Variants in NRG1 observed in about 807,000 individuals in gnomAD.
NRG1 encodes pro-neuregulin-1, membrane-bound isoform.
A neutral mutation model predicts 63.8 loss-of-function variants in NRG1; 18 were observed. The observed-to-expected ratio is 0.28, with a 90% CI of 0.19 to 0.42. The LOEUF (loss-of-function observed/expected upper bound fraction) is 0.42. NRG1 is among the 10% of genes least tolerant of loss of function. The probability of loss-of-function intolerance (pLI) is 1.00; values close to 1 mark genes in which losing one functional copy is unlikely to be tolerated. For synonymous variants in NRG1, 302 were observed against 301.3 expected (o/e 1.00, Z -0.02); for missense variants, 762 against 814.7 (o/e 0.94, Z 0.79).
intron 1 of NRG1, among the ~76,000 whole-genome samples, chr8:32,309,202 C>A (rs1055073683): frequency 6.6e-6 from 1 of 152,146 alleles, no homozygotes; most frequent in Non-Finnish European, 1.5e-5. Context: ...GTACCCTTGC[C>A]TTACCAGGGC....
At chr8:32,312,153 G>GTTTTTTTTTTTTTTTTTTTTTT (rs767575805) in intron 1 of NRG1, among the ~76,000 whole-genome samples, 1 of 98,206 alleles carries the variant, frequency 1.0e-5, no homozygotes, top group African/African-American at 3.8e-5. Flanking sequence ...ATTTGACCTT[G>GTTTTTTTTTTTTTTTTTTTTTT]TTTGTTTTTT....
chr8:31,686,094 T>G (rs771098923), intron 1 of NRG1, among the ~76,000 whole-genome samples: 1 of 152,170 alleles, frequency 6.6e-6, no homozygotes, highest in Non-Finnish European at 1.5e-5. Context: ...TATAAAGCAC[T>G]CTTATTCAAA....
chr8:32,079,981 AGT>A (rs1291344555), intron 1 of NRG1, among the ~76,000 whole-genome samples: 1 of 152,184 alleles, frequency 6.6e-6, no homozygotes, highest in African/African-American at 2.4e-5. Flanking sequence ...TTAATAAAGT[AGT>A]AGTAATAAAA....
At chr8:32,386,181 AG>A (rs566387388) in intron 1 of NRG1, among the ~76,000 whole-genome samples, 37 of 152,332 alleles carry the variant, frequency 2.4e-4, no homozygotes, top group African/African-American at 8.9e-4. Context: ...GGCTCACTGC[AG>A]CCTCAAACTA....
At chr8:31,841,413 C>T (rs568138786) in intron 1 of NRG1, among the ~76,000 whole-genome samples, 1 of 152,086 alleles carries the variant, frequency 6.6e-6, no homozygotes, top group African/African-American at 2.4e-5. Flanking sequence ...TAGACTTTCC[C>T]CTGTAGACAC....
intron 1 of NRG1, among the ~76,000 whole-genome samples, chr8:31,660,323 A>G (rs1241827695): frequency 3.9e-5 from 6 of 152,300 alleles, no homozygotes; most frequent in Non-Finnish European, 8.8e-5. Flanking sequence ...TTAAGCCACC[A>G]TATCTCACAG....
intron 1 of NRG1, among the ~76,000 whole-genome samples, chr8:31,771,586 G>T (rs1285514616): frequency 6.6e-6 from 1 of 152,102 alleles, no homozygotes; most frequent in Non-Finnish European, 1.5e-5. Context: ...AATAAAATAT[G>T]AATATATCTA....
intron 1 of NRG1, among the ~76,000 whole-genome samples, chr8:32,240,769 C>T (rs142605749): frequency 4.0e-5 from 6 of 151,874 alleles, no homozygotes; most frequent in African/African-American, 1.4e-4. Context: ...CCTGTCAATC[C>T]ATAATTATTT....
At chr8:32,521,947 G>A (rs1830385897) in intron 1 of NRG1, among the ~76,000 whole-genome samples, 1 of 152,146 alleles carries the variant, frequency 6.6e-6, no homozygotes, top group Admixed American at 6.5e-5. Flanking sequence ...ATGACAGAAA[G>A]TTGGAAAGAG....
rs114839125 is a variant in NRG1 at position 32,681,215 on chromosome 8, G to T, written c.503-46734G>T. 6.5e-3 allele frequency among the ~76,000 whole-genome samples: 997 copies of T among 152,274 alleles called. 2 individuals carry two copies. Among genetic ancestry groups the T allele is most frequent in the African/African-American group, 0.022 (930 of 41,544 alleles). ...TGCAAAATAGATTTTATAGATAATT[G>T]CTGTGGAAAAGAAGTGACTAAATGT... On this transcript the variant is annotated intron_variant, in intron 5 of 11. Transcript: ENST00000356819.
intron 1 of NRG1, among the ~76,000 whole-genome samples, chr8:31,696,247 A>G (rs1309266102): frequency 6.6e-6 from 1 of 152,096 alleles, no homozygotes; most frequent in East Asian, 1.9e-4. Context: ...TTGCATTTTT[A>G]ATAGAGACAG....
chr8:32,148,338 G>A (rs1837128397), intron 1 of NRG1, among the ~76,000 whole-genome samples: 2 of 152,198 alleles, frequency 1.3e-5, no homozygotes. Flanking sequence ...CCTGCAGGAA[G>A]TGGCAAATGT....
chr8:31,743,487 A>T (rs1815510215), intron 1 of NRG1, among the ~76,000 whole-genome samples: 1 of 151,994 alleles, frequency 6.6e-6, no homozygotes, highest in Non-Finnish European at 1.5e-5. Context: ...GGCTGAAATT[A>T]TGTGCACACT....
intron 1 of NRG1, among the ~76,000 whole-genome samples, chr8:31,790,651 A>G (rs1404269471): frequency 2.0e-5 from 3 of 152,212 alleles, no homozygotes; most frequent in African/African-American, 7.2e-5. Context: ...TGATTTCAAC[A>G]CATGACTTCA....
chr8:32,683,955 G>C lies in NRG1; in HGVS notation c.503-43994G>C, dbSNP rs1589186998. Among the ~76,000 whole-genome samples, 3 of 151,768 alleles carry C rather than the reference G, an allele frequency of 2.0e-5. No individual in the cohort carries two copies. In the South Asian group the frequency reaches 6.3e-4, roughly 32 times the overall value. ...CATGCCTGTGATGCCAGCACTCTGG[G>C]AGGCTGAGATGGGTGGATCACTTGA... is the stretch of plus-strand genomic sequence containing the variant. On this transcript the variant is annotated intron_variant, in intron 5 of 11. Coordinates refer to ENST00000356819, the Ensembl canonical transcript of NRG1.
At chr8:32,357,108 A>G (rs1398434923) in intron 1 of NRG1, among the ~76,000 whole-genome samples, 2 of 152,274 alleles carry the variant, frequency 1.3e-5, no homozygotes, top group East Asian at 3.9e-4. Flanking sequence ...CTGGGGGAAA[A>G]GAGCATGAGG....
At chr8:31,851,998 C>A (rs1827283299) in intron 1 of NRG1, among the ~76,000 whole-genome samples, 1 of 149,328 alleles carries the variant, frequency 6.7e-6, no homozygotes. Context: ...TTTCTTAATC[C>A]AGTCTATCAT....
chr8:32,486,080 C>A (rs116361451), intron 1 of NRG1, among the ~76,000 whole-genome samples: 5 of 151,910 alleles, frequency 3.3e-5, no homozygotes, highest in East Asian at 1.9e-4. Context: ...GGCGCTCCCC[C>A]CCTCCCCATG....
intron 1 of NRG1, among the ~76,000 whole-genome samples, chr8:31,677,354 TGATATAGAATCTATGTAGG>T (rs1212778845): frequency 6.6e-6 from 1 of 152,330 alleles, no homozygotes; most frequent in East Asian, 1.9e-4. Flanking sequence ...GTCTATCTAT[TGATATAGAATCTATGTAGG>T]GATATAGAAT....
Sources: gnomAD v4.1 joint callset for allele counts (sites outside exome capture counted in the v4.1 genomes callset) on GRCh38, gnomAD v4.1.1 for gene constraint, MANE v1.5 for transcripts, NCBI Gene and HGNC (gene_info 2026-07-23, HGNC 2026-07-21) for gene names.